Variants in FRMPD4 observed in about 807,000 individuals in gnomAD.
FRMPD4 encodes FERM and PDZ domain containing 4, also known as FERM and PDZ domain-containing protein 4.
FRMPD4 carries 22 observed loss-of-function variants against 94.1 expected under a neutral mutation model. The observed-to-expected ratio is 0.23, with a 90% CI of 0.17 to 0.33. FRMPD4 has a LOEUF of 0.33. Among genes scored for constraint, FRMPD4 ranks in the 10% least tolerant of loss-of-function variants. The pLI is 1.00. For missense variants in FRMPD4, 1,111 were observed against 1,339.9 expected (o/e 0.83, Z 2.67); for synonymous variants, 631 against 548.6 (o/e 1.15, Z -2.10).
At position 12,112,925 on chromosome X, in the gene FRMPD4, T is replaced by C. The variant is rs778385443; in HGVS notation, c.95+234907T>C. 1.5e-4 allele frequency among the ~76,000 whole-genome samples: 17 copies of C among 111,554 alleles called. No homozygotes were observed. The South Asian group carries it at 6.5e-3, about 43-fold the overall frequency. On this transcript the variant is annotated intron_variant, in intron 3 of 18. Coordinates refer to the FRMPD4 transcript ENST00000640291. The stretch of plus-strand genomic sequence containing the variant: ...GACCTGGCCAATTAAAGTACTGCAT[T>C]CCTCCTAGCTAAATGGTTGGTTCAA...
chrX:12,558,423 A>G (rs2058618510), intron 2 of FRMPD4, among the ~76,000 whole-genome samples: 1 of 113,021 alleles, frequency 8.8e-6, no homozygotes, highest in East Asian at 2.8e-4. Context: ...AAATGCAACA[A>G]ATGCATGCAA....
chrX:11,903,666 C>T (rs1336945955), intron 3 of FRMPD4, among the ~76,000 whole-genome samples: 1 of 112,438 alleles, frequency 8.9e-6, no homozygotes, highest in Non-Finnish European at 1.9e-5. Flanking sequence ...ATTGAAAATT[C>T]CATAGAAATT....
intron 3 of FRMPD4, among the ~76,000 whole-genome samples, chrX:12,054,448 C>T (rs747148625): frequency 4.5e-5 from 5 of 111,457 alleles, no homozygotes; most frequent in African/African-American, 1.6e-4. Flanking sequence ...CATGGCACCT[C>T]ACAACTTTGC....
chrX:12,024,910 C>T (rs1319301830), intron 3 of FRMPD4, among the ~76,000 whole-genome samples: 1 of 111,614 alleles, frequency 9.0e-6, no homozygotes, highest in Non-Finnish European at 1.9e-5. Context: ...GAATATTCCG[C>T]AATTTATTTA....
At chrX:11,877,730 T>G (rs779089945) in intron 2 of FRMPD4, among the ~76,000 whole-genome samples, 26 of 112,460 alleles carry the variant, frequency 2.3e-4, no homozygotes, top group Non-Finnish European at 4.9e-4. Flanking sequence ...CGTGATTGTT[T>G]AAGAATATCT....
At chrX:12,491,312 G>A (rs1307279338) in intron 1 of FRMPD4, among the ~76,000 whole-genome samples, 1 of 112,192 alleles carries the variant, frequency 8.9e-6, no homozygotes, top group African/African-American at 3.2e-5. Context: ...ACCTTAATCT[G>A]ACAACCCAGA....
At chrX:12,141,691 G>T (rs1275464266) in intron 1 of FRMPD4, among the ~76,000 whole-genome samples, 3 of 111,186 alleles carry the variant, frequency 2.7e-5, no homozygotes, top group Non-Finnish European at 1.9e-5. Context: ...GTGGCACAGT[G>T]TGTCATGGTT....
intron 3 of FRMPD4, among the ~76,000 whole-genome samples, chrX:12,004,010 T>C (rs1378225626): frequency 1.8e-5 from 2 of 111,573 alleles, no homozygotes; most frequent in Non-Finnish European, 3.8e-5. Context: ...ACTGGCTTTT[T>C]CTCCCTCTTC....
In FRMPD4 at chrX:11,948,876, T is replaced by C. The variant is rs2054205277; in HGVS notation, c.95+70858T>C. Among the ~76,000 whole-genome samples, 4 of 112,227 alleles carry C rather than the reference T, an allele frequency of 3.6e-5. No homozygotes were observed. The Admixed American group carries it at 3.8e-4, about 11-fold the overall frequency. Reference sequence around the variant, plus strand: ...ATCCTGGTATTCTGGCCAATTAAGATTTTAATGTAGCATCTTGAGATAACA... The same window carrying C: ...ATCCTGGTATTCTGGCCAATTAAGACTTTAATGTAGCATCTTGAGATAACA... On this transcript the variant is annotated intron_variant, in intron 3 of 18. Coordinates refer to the FRMPD4 transcript ENST00000640291.
rs114564571 is a variant in FRMPD4 at position 12,087,221 on chromosome X, C to A, written c.95+209203C>A. 4.8e-3 allele frequency among the ~76,000 whole-genome samples: 532 copies of A among 111,168 alleles called. 9 individuals are homozygous for A. Among genetic ancestry groups the A allele is most frequent in the African/African-American group, 0.016 (482 of 30,592 alleles). ...TGGGGTGACCTTAGGGTGTGTCCACCAAGAATACCAAAGGCCTAAGGTTGG... is the reference window on the plus strand; with the variant it reads ...TGGGGTGACCTTAGGGTGTGTCCACAAAGAATACCAAAGGCCTAAGGTTGG... On this transcript the variant is annotated intron_variant, in intron 3 of 18. Coordinates refer to the FRMPD4 transcript ENST00000640291.
intron 5 of FRMPD4, among the ~76,000 whole-genome samples, chrX:12,682,399 G>A (rs947099182): frequency 4.5e-5 from 5 of 111,896 alleles, no homozygotes; most frequent in African/African-American, 9.7e-5. Flanking sequence ...AATTCTTTAC[G>A]CAACAGCCTC....
intron 1 of FRMPD4, among the ~76,000 whole-genome samples, chrX:12,475,487 A>C (rs962505316): frequency 7.2e-5 from 8 of 111,771 alleles, no homozygotes; most frequent in African/African-American, 2.6e-4. Flanking sequence ...AGAAGGAAAT[A>C]AAGGGTATGC....
chrX:12,156,730 A>G (rs2055942301), intron 1 of FRMPD4, among the ~76,000 whole-genome samples: 1 of 112,269 alleles, frequency 8.9e-6, no homozygotes, highest in African/African-American at 3.2e-5. Context: ...ATTGAAAATA[A>G]TTTTCTTGGT....
rs2054073764 is a variant in FRMPD4, at chrX:11,924,266, A to T, written c.95+46248A>T. ...ATGGAAAGAAATGAACAAAACCTCC[A>T]GGAATCTGTGACTGACTGGTGTCCC... On this transcript the variant is annotated intron_variant, in intron 3 of 18. Transcript: ENST00000640291. Among the ~76,000 whole-genome samples the T allele has an allele frequency of 5.4e-5, 6 of 111,938 alleles. No individual in the cohort carries two copies. The Admixed American group carries it at 5.7e-4, about 11-fold the overall frequency.
At chrX:11,886,327 G>A (rs1270204053) in intron 3 of FRMPD4, among the ~76,000 whole-genome samples, 1 of 111,758 alleles carries the variant, frequency 8.9e-6, no homozygotes, top group Admixed American at 9.5e-5. Context: ...GAAACAGTGG[G>A]GAAATACGTT....
intron 2 of FRMPD4, among the ~76,000 whole-genome samples, chrX:12,560,743 T>C (rs2058647794): frequency 3.5e-4 from 1 of 2,870 alleles, no homozygotes; most frequent in African/African-American, 2.2e-3. Flanking sequence ...TCCCCTCATC[T>C]TTTTTTTTTT....
At chrX:12,585,245 G>A (rs1439966841) in intron 2 of FRMPD4, among the ~76,000 whole-genome samples, 1 of 106,828 alleles carries the variant, frequency 9.4e-6, no homozygotes. Context: ...TTCTTGAGGC[G>A]GAGTCTTGCT....
chrX:11,979,187 T>A (rs192080798), intron 3 of FRMPD4, among the ~76,000 whole-genome samples: 3 of 111,981 alleles, frequency 2.7e-5, no homozygotes, highest in Non-Finnish European at 5.6e-5. Context: ...GTTAAAATTG[T>A]CTTGCTGTTT....
chrX:12,553,309 T>C (rs899799680), intron 2 of FRMPD4, among the ~76,000 whole-genome samples: 7 of 107,934 alleles, frequency 6.5e-5, no homozygotes, highest in Admixed American at 3.0e-4. Flanking sequence ...CAATGGTATA[T>C]AGAAGTAGTC....
Sources: gnomAD v4.1 joint callset for allele counts (sites outside exome capture counted in the v4.1 genomes callset) on GRCh38, gnomAD v4.1.1 for gene constraint, MANE v1.5 for transcripts, NCBI Gene and HGNC (gene_info 2026-07-23, HGNC 2026-07-21) for gene names.